Variants in CCDC170 observed in about 807,000 individuals in gnomAD.
CCDC170 encodes coiled-coil domain-containing protein 170.
In CCDC170, 69 loss-of-function variants were observed where a neutral mutation model predicts 72.6. That is an observed-to-expected ratio of 0.95 (90% CI 0.78 to 1.16). The LOEUF is 1.16. Ranked by LOEUF, CCDC170 falls within the 50% of genes most tolerant of loss-of-function variation. The pLI is 0.00. For missense variants in CCDC170, 852 were observed against 832.5 expected, an observed-to-expected ratio of 1.02 and a Z score of -0.29; for synonymous variants, 300 against 303.9, an observed-to-expected ratio of 0.99 and a Z score of 0.13.
At chr6:151,580,540 A>ATAATAAAGGTAGGAAAG (rs1435122219) in intron 6 of CCDC170, among the ~76,000 whole-genome samples, 1 of 152,126 alleles carries the variant, frequency 6.6e-6, no homozygotes, top group Non-Finnish European at 1.5e-5. Flanking sequence ...ATTATTGGTA[A>ATAATAAAGGTAGGAAAG]GCAGGAAAGG....
In CCDC170 at chr6:151,616,544, C is replaced by T. The variant is rs79692348; in HGVS notation, c.1947+865C>T. Among the ~76,000 whole-genome samples, 5,088 of 151,980 alleles carry T rather than the reference C, an allele frequency of 0.033. 508 individuals are homozygous for T. In the East Asian group the frequency reaches 0.35, roughly 10 times the overall value. On this transcript the variant is annotated intron_variant, in intron 10 of 10. Transcript: ENST00000239374. ...GGGGAAAGCCAAACGACACAATGAGCGTTCTCAGAAAGGAAACTTCTTCGG... is the reference window on the plus strand; with the variant it reads ...GGGGAAAGCCAAACGACACAATGAGTGTTCTCAGAAAGGAAACTTCTTCGG...
intron 5 of CCDC170, among the ~76,000 whole-genome samples, chr6:151,569,718 A>G (rs577680322): frequency 6.6e-6 from 1 of 152,290 alleles, no homozygotes; most frequent in South Asian, 2.1e-4. Context: ...TGATAGGTGA[A>G]CAAGTAATTG....
chr6:151,514,493 G>A (rs546255394), intron 1 of CCDC170, among the ~76,000 whole-genome samples: 1 of 152,214 alleles, frequency 6.6e-6, no homozygotes, highest in Admixed American at 6.5e-5. Flanking sequence ...CAGTGGAGAA[G>A]CAGCTTGTGA....
chr6:151,601,118 A>AC, intron 9 of CCDC170, among the ~76,000 whole-genome samples: 1 of 152,338 alleles, frequency 6.6e-6, no homozygotes, highest in African/African-American at 2.4e-5. Flanking sequence ...ATGGCTGGGA[A>AC]GGCCTCATAA....
intron 1 of CCDC170, among the ~76,000 whole-genome samples, chr6:151,536,086 T>C (rs1457490763): frequency 2.0e-5 from 3 of 152,096 alleles, no homozygotes; most frequent in African/African-American, 7.2e-5. Context: ...ATGACAAACC[T>C]CATCACCATC....
intron 5 of CCDC170, among the ~76,000 whole-genome samples, chr6:151,551,903 A>C (rs1782884536): frequency 6.6e-6 from 1 of 152,190 alleles, no homozygotes; most frequent in Admixed American, 6.5e-5. Context: ...AGCTAATAAT[A>C]ATCTAGTATC....
At chr6:151,533,289 T>C (rs1049183924) in intron 1 of CCDC170, among the ~76,000 whole-genome samples, 90 of 151,612 alleles carry the variant, frequency 5.9e-4, no homozygotes, top group Non-Finnish European at 7.4e-4. Flanking sequence ...CTCCTGACCT[T>C]GTGATCTGCC....
At chr6:151,542,667 T>A (rs984320940) in intron 3 of CCDC170, among the ~76,000 whole-genome samples, 12 of 152,244 alleles carry the variant, frequency 7.9e-5, no homozygotes, top group African/African-American at 2.9e-4. Flanking sequence ...ATCTATGTGA[T>A]TCATATTTTT....
chr6:151,548,298 C>A lies in CCDC170; in HGVS notation c.589-6C>A. ...TATAGGACAGCTGTAATTGCTTTCT[C>A]TTCAGCTTAGAGACCTGCGCAAAGA... On this transcript the variant is annotated splice_polypyrimidine_tract_variant and splice_region_variant and intron_variant, in intron 4 of 10. Transcript: ENST00000239374. 1 of 1,542,922 alleles carries A rather than the reference C, an allele frequency of 6.5e-7. No individual in the cohort carries two copies. Among genetic ancestry groups the A allele is most frequent in the South Asian group, 1.3e-5 (1 of 79,728 alleles).
At chr6:151,605,637 T>G (rs899101531) in intron 9 of CCDC170, among the ~76,000 whole-genome samples, 1 of 152,154 alleles carries the variant, frequency 6.6e-6, no homozygotes, top group Non-Finnish European at 1.5e-5. Context: ...ACTTTTTCCA[T>G]TGTAGAAACC....
intron 7 of CCDC170, among the ~76,000 whole-genome samples, chr6:151,591,987 G>A (rs1776544285): frequency 6.6e-6 from 1 of 151,992 alleles, no homozygotes; most frequent in Non-Finnish European, 1.5e-5. Context: ...CAACCTTTGA[G>A]GCCAGGGCCC....
intron 1 of CCDC170, among the ~76,000 whole-genome samples, chr6:151,506,449 C>A (rs1782068354): frequency 6.6e-6 from 1 of 152,194 alleles, no homozygotes; most frequent in African/African-American, 2.4e-5. Flanking sequence ...AATGGGCAGA[C>A]TGACATTTAC....
intron 6 of CCDC170, among the ~76,000 whole-genome samples, chr6:151,576,219 G>C (rs919466475): frequency 6.6e-6 from 1 of 152,050 alleles, no homozygotes; most frequent in Non-Finnish European, 1.5e-5. Context: ...TGTGTTAGAT[G>C]ATTTTGCCCA....
intron 10 of CCDC170, among the ~76,000 whole-genome samples, chr6:151,616,417 C>T (rs1407496313): frequency 6.6e-6 from 1 of 152,096 alleles, no homozygotes; most frequent in Admixed American, 6.5e-5. Context: ...TTGTCTCTTT[C>T]TCCTTTTGAA....
intron 7 of CCDC170, among the ~76,000 whole-genome samples, chr6:151,592,407 G>A (rs541239691): frequency 5.8e-4 from 88 of 152,072 alleles, no homozygotes; most frequent in African/African-American, 1.9e-3. Context: ...CATACCTGAG[G>A]CTGGGTAATT....
chr6:151,517,834 G>A (rs1782259218), intron 1 of CCDC170, among the ~76,000 whole-genome samples: 1 of 151,908 alleles, frequency 6.6e-6, no homozygotes, highest in Non-Finnish European at 1.5e-5. Flanking sequence ...TCTAGGAAGT[G>A]TACAATACTC....
rs1247483920 is a variant in CCDC170 at position 151,620,269 on chromosome 6, T to C, written c.*2122T>C. ...AGAAAGCGAATGAATTTGACACCTG[T>C]TGGTTGGATGACAGACCACACAGAG... On this transcript the variant is annotated 3_prime_UTR_variant, in exon 11 of 11. Transcript: ENST00000239374. The C allele has an allele frequency of 6.6e-6, 1 of 151,362 alleles. No homozygotes were observed. The highest frequency in any genetic ancestry group is 2.4e-5 in the African/African-American group (1 of 41,184). 9.4% of individuals were successfully genotyped at this position (151,362 alleles called of 1,614,324 possible).
chr6:151,517,448 T>C (rs1373576349), intron 1 of CCDC170, among the ~76,000 whole-genome samples: 1 of 151,312 alleles, frequency 6.6e-6, no homozygotes, highest in Non-Finnish European at 1.5e-5. Flanking sequence ...TTTTTTTTTT[T>C]TTTGAGATGG....
chr6:151,538,013 T>A, intron 2 of CCDC170, 32 bp from the exon 3 acceptor site: 1 of 1,230,650 alleles, frequency 8.1e-7, no homozygotes, highest in East Asian at 2.6e-5. Flanking sequence ...TTGTTAAGGT[T>A]TTTTTTTTTT....
Sources: gnomAD v4.1 joint callset for allele counts (sites outside exome capture counted in the v4.1 genomes callset) on GRCh38, gnomAD v4.1.1 for gene constraint, MANE v1.5 for transcripts, NCBI Gene and HGNC (gene_info 2026-07-23, HGNC 2026-07-21) for gene names.